The following RORB variants were observed in gnomAD, a reference collection of about 807,000 sequenced individuals.
RORB encodes the protein nuclear receptor ROR-beta.
Under a neutral mutation model 59.1 loss-of-function variants are expected in RORB, and 6 were observed. The ratio of observed to expected loss-of-function variants is 0.10; its 90% confidence interval spans 0.06 to 0.20. The LOEUF (loss-of-function observed/expected upper bound fraction) is 0.20. RORB is among the 10% of genes least tolerant of loss of function. The pLI is 1.00. For missense variants in RORB, 320 were observed against 560.5 expected, an observed-to-expected ratio of 0.57 and a Z score of 4.33; for synonymous variants, 215 against 204.5, an observed-to-expected ratio of 1.05 and a Z score of -0.44.
intron 1 of RORB, among the ~76,000 whole-genome samples, chr9:74,555,108 C>A (rs778148925): frequency 1.3e-5 from 2 of 152,144 alleles, no homozygotes; most frequent in Non-Finnish European, 2.9e-5. Flanking sequence ...CCCTCACAGC[C>A]CCCTCTCAAT....
At chr9:74,573,649 G>A (rs544811220) in intron 1 of RORB, among the ~76,000 whole-genome samples, 16 of 152,020 alleles carry the variant, frequency 1.1e-4, no homozygotes, top group Non-Finnish European at 1.9e-4. Context: ...GAAATCTCCC[G>A]GCTACTGTCT....
chr9:74,632,350 A>G (rs551896244), intron 2 of RORB, among the ~76,000 whole-genome samples: 1 of 152,248 alleles, frequency 6.6e-6, no homozygotes, highest in South Asian at 2.1e-4. Context: ...AATTCATGGA[A>G]AAAACCCACA....
chr9:74,542,565 AAGAT>A (rs1025064796), intron 1 of RORB, among the ~76,000 whole-genome samples: 6 of 152,192 alleles, frequency 3.9e-5, no homozygotes, highest in Admixed American at 1.3e-4. Flanking sequence ...GAATCACAGA[AAGAT>A]AGGGAGAGAA....
intron 1 of RORB, among the ~76,000 whole-genome samples, chr9:74,626,026 G>C (rs766516489): frequency 2.0e-5 from 3 of 152,218 alleles, no homozygotes; most frequent in Admixed American, 2.0e-4. Context: ...AACACCTGCT[G>C]TTACTAGCGG....
chr9:74,570,572 G>T (rs1822536356), intron 1 of RORB, among the ~76,000 whole-genome samples: 1 of 152,172 alleles, frequency 6.6e-6, no homozygotes, highest in South Asian at 2.1e-4. Flanking sequence ...GCCAAAAAGA[G>T]TATTTATATA....
chr9:74,514,950 G>T (rs1200613823), intron 1 of RORB, among the ~76,000 whole-genome samples: 6 of 151,236 alleles, frequency 4.0e-5, no homozygotes, highest in African/African-American at 1.2e-4. Flanking sequence ...TGAACCCCTT[G>T]AGGTCAGACA....
intron 1 of RORB, among the ~76,000 whole-genome samples, chr9:74,574,700 C>T (rs1379676329): frequency 6.6e-6 from 1 of 152,066 alleles, no homozygotes; most frequent in Admixed American, 6.6e-5. Context: ...GACCATGTAA[C>T]CCTGCAACCT....
At chr9:74,605,289 G>A (rs1823131178) in intron 1 of RORB, among the ~76,000 whole-genome samples, 1 of 152,202 alleles carries the variant, frequency 6.6e-6, no homozygotes, top group African/African-American at 2.4e-5. Flanking sequence ...ACAGATTTAC[G>A]GCAGGTAGTC....
intron 1 of RORB, among the ~76,000 whole-genome samples, chr9:74,588,367 T>C (rs1822838353): frequency 6.6e-6 from 1 of 152,206 alleles, no homozygotes; most frequent in Non-Finnish European, 1.5e-5. Context: ...AGTAAACATA[T>C]GGATATACTG....
intron 1 of RORB, among the ~76,000 whole-genome samples, chr9:74,577,860 G>T (rs777705031): frequency 2.6e-5 from 4 of 152,070 alleles, no homozygotes; most frequent in Admixed American, 6.6e-5. Flanking sequence ...AATTGCTTTT[G>T]TTCAATTTGG....
rs183198998 is a variant in RORB, at chr9:74,546,273, G to C, written c.7+48290G>C. Among the ~76,000 whole-genome samples the C allele has an allele frequency of 4.7e-3, 713 of 152,284 alleles. 6 individuals are homozygous for C. Among genetic ancestry groups the C allele is most frequent in the Non-Finnish European group, 7.2e-3 (491 of 68,030 alleles). ...GAAAGGAGAGATATGCCAGGGTTTA[G>C]GGAATCATCTTCAGAGAAGTCATCA... On this transcript the variant is annotated intron_variant, in intron 1 of 9. Transcript: ENST00000376896.
Position 74,665,575 on chromosome 9 carries a change from T to C in RORB, c.980T>C (p.Met327Thr). The change falls in exon 7 of 10, where the codon ATG becomes ACG. Residue 327 changes from methionine (M) to threonine (T), a missense_variant. Coordinates refer to ENST00000376896, the MANE Select transcript of RORB (RefSeq NM_006914.4). ...CTGTTTGAAGGAAAATATGGAGGAA[T>C]GCAAATGTTCAAAGCCTTAGGTAAG... is the stretch of plus-strand genomic sequence containing the variant. Reference protein sequence around the residue: ...TVLFEGKYGGMQMFKALGSDD... With the variant: ...TVLFEGKYGGTQMFKALGSDD... 1 of 1,611,656 alleles carries C rather than the reference T, an allele frequency of 6.2e-7. No homozygotes were observed. Among genetic ancestry groups the C allele is most frequent in the Non-Finnish European group, 8.5e-7 (1 of 1,178,100 alleles).
intron 1 of RORB, among the ~76,000 whole-genome samples, chr9:74,554,950 G>A (rs944155416): frequency 1.3e-5 from 2 of 152,184 alleles, no homozygotes; most frequent in African/African-American, 4.8e-5. Flanking sequence ...ATCAGAATGT[G>A]TCTGTGTACA....
chr9:74,658,092 C>A (rs1824118493), intron 4 of RORB, among the ~76,000 whole-genome samples: 1 of 151,050 alleles, frequency 6.6e-6, no homozygotes, highest in South Asian at 2.1e-4. Flanking sequence ...ATATAGGGTA[C>A]CTTCTCAAAA....
At chr9:74,534,247 T>A (rs1034300798) in intron 1 of RORB, among the ~76,000 whole-genome samples, 10 of 152,030 alleles carry the variant, frequency 6.6e-5, no homozygotes, top group African/African-American at 2.4e-4. Context: ...AGATACGGAA[T>A]GGTGAATGGA....
chr9:74,660,470 T>A, intron 4 of RORB, 147 bp from the exon 5 acceptor site: 1 of 596,916 alleles, frequency 1.7e-6, no homozygotes, highest in Non-Finnish European at 2.7e-6. Flanking sequence ...AGAGTTTGTC[T>A]GAAGATTTTA....
intron 1 of RORB, among the ~76,000 whole-genome samples, chr9:74,537,257 A>G (rs973848918): frequency 4.6e-5 from 7 of 152,248 alleles, no homozygotes; most frequent in African/African-American, 1.7e-4. Context: ...CTTGAAGAAT[A>G]AAGACTGTGT....
At chr9:74,534,063 AT>A (rs1244775842) in intron 1 of RORB, among the ~76,000 whole-genome samples, 1 of 152,058 alleles carries the variant, frequency 6.6e-6, no homozygotes, top group African/African-American at 2.4e-5. Context: ...CTGAGACCAC[AT>A]TTAACTTTTC....
intron 1 of RORB, among the ~76,000 whole-genome samples, chr9:74,621,782 G>A (rs1026401333): frequency 3.9e-5 from 6 of 152,142 alleles, no homozygotes; most frequent in African/African-American, 1.4e-4. Flanking sequence ...GGTTTATAGT[G>A]GCACCTCATT....
Sources: gnomAD v4.1 joint callset for allele counts (sites outside exome capture counted in the v4.1 genomes callset) on GRCh38, gnomAD v4.1.1 for gene constraint, MANE v1.5 for transcripts, NCBI Gene and HGNC (gene_info 2026-07-23, HGNC 2026-07-21) for gene names.